The following KCNQ5 variants were observed in gnomAD, a reference collection of about 807,000 sequenced individuals.
KCNQ5 encodes potassium voltage-gated channel subfamily KQT member 5.
Under a neutral mutation model 98.2 loss-of-function variants are expected in KCNQ5, and 30 were observed. The observed-to-expected ratio is 0.31, with a 90% CI of 0.23 to 0.41. KCNQ5 has a LOEUF of 0.41. KCNQ5 is among the 10% of genes least tolerant of loss of function. KCNQ5 has a pLI of 1.00. For missense variants in KCNQ5, 835 were observed against 1,182.5 expected (o/e 0.71, Z 4.31); for synonymous variants, 458 against 449.4 (o/e 1.02, Z -0.24).
chr6:73,160,113 AC>A (rs770236403), intron 10 of KCNQ5, among the ~76,000 whole-genome samples: 15 of 151,570 alleles, frequency 9.9e-5, no homozygotes, highest in Non-Finnish European at 1.3e-4. Flanking sequence ...TCCCGGGTTC[AC>A]GCCATTCTCC....
chr6:72,840,951 C>T (rs1776761314), intron 1 of KCNQ5, among the ~76,000 whole-genome samples: 1 of 152,144 alleles, frequency 6.6e-6, no homozygotes, highest in Admixed American at 6.5e-5. Flanking sequence ...TGGTCCTCAC[C>T]TTCACTGAGA....
chr6:72,727,914 C>A (rs926776001), intron 1 of KCNQ5, among the ~76,000 whole-genome samples: 1 of 152,114 alleles, frequency 6.6e-6, no homozygotes, highest in Non-Finnish European at 1.5e-5. Flanking sequence ...TCCACTGCAC[C>A]TTTATTTCAT....
intron 8 of KCNQ5, 99 bp downstream of exon 8, chr6:73,120,676 T>G (rs1775709858): frequency 3.1e-6 from 2 of 650,882 alleles, no homozygotes; most frequent in East Asian, 2.9e-5. Flanking sequence ...AATGTTTGGC[T>G]TCTCTTATTC....
chr6:72,657,817 G>A (rs116985048), intron 1 of KCNQ5, among the ~76,000 whole-genome samples: 2,389 of 152,284 alleles, frequency 0.016, 32 homozygotes, highest in Middle Eastern at 0.061. Context: ...AGCAACATTA[G>A]TTTATCTTTG....
chr6:72,750,291 T>C (rs1771609799), intron 1 of KCNQ5, among the ~76,000 whole-genome samples: 2 of 152,100 alleles, frequency 1.3e-5, no homozygotes, highest in African/African-American at 4.8e-5. Context: ...TCTGATAGAA[T>C]TAAGTGTTAA....
chr6:72,931,557 A>G (rs1765694335), intron 1 of KCNQ5, among the ~76,000 whole-genome samples: 2 of 152,188 alleles, frequency 1.3e-5, no homozygotes, highest in East Asian at 1.9e-4. Context: ...GACAAGTGGT[A>G]ACTGACTTAG....
intron 1 of KCNQ5, among the ~76,000 whole-genome samples, chr6:72,853,674 G>C (rs1052237050): frequency 6.6e-5 from 10 of 152,186 alleles, no homozygotes; most frequent in Non-Finnish European, 1.5e-5. Context: ...CAGCCATGTT[G>C]AGTGATTGTC....
chr6:72,880,532 C>G (rs1333501408), intron 1 of KCNQ5, among the ~76,000 whole-genome samples: 2 of 152,192 alleles, frequency 1.3e-5, no homozygotes, highest in East Asian at 3.9e-4. Context: ...GACCATAGCA[C>G]TTGCTATCCA....
At chr6:72,856,477 C>CACAA (rs979887577) in intron 1 of KCNQ5, among the ~76,000 whole-genome samples, 2 of 150,932 alleles carry the variant, frequency 1.3e-5, no homozygotes, top group Non-Finnish European at 3.0e-5. Flanking sequence ...TATATACACA[C>CACAA]ACACACACAC....
chr6:73,038,837 G>A (rs1771562838), intron 2 of KCNQ5, among the ~76,000 whole-genome samples: 1 of 151,824 alleles, frequency 6.6e-6, no homozygotes, highest in Non-Finnish European at 1.5e-5. Context: ...GTCTGGTTTT[G>A]GTGTCAGGAT....
chr6:72,818,356 T>C (rs1007614715), intron 1 of KCNQ5, among the ~76,000 whole-genome samples: 1 of 152,116 alleles, frequency 6.6e-6, no homozygotes, highest in African/African-American at 2.4e-5. Flanking sequence ...GTTGTGTGTA[T>C]TGTTAAGAAA....
chr6:73,146,309 A>C (rs1776922281), intron 10 of KCNQ5, among the ~76,000 whole-genome samples: 1 of 152,152 alleles, frequency 6.6e-6, no homozygotes, highest in Non-Finnish European at 1.5e-5. Context: ...AAGATGAAGT[A>C]CTGTTTTAGC....
intron 3 of KCNQ5, among the ~76,000 whole-genome samples, chr6:73,047,243 A>G (rs1772007614): frequency 6.6e-6 from 1 of 152,198 alleles, no homozygotes; most frequent in Admixed American, 6.5e-5. Context: ...GCTTTATAGA[A>G]CATTAATTGC....
At chr6:73,087,748 T>G (rs1219253194) in intron 5 of KCNQ5, among the ~76,000 whole-genome samples, 1 of 152,124 alleles carries the variant, frequency 6.6e-6, no homozygotes, top group Non-Finnish European at 1.5e-5. Context: ...CACCAAGGAA[T>G]ACAAAGAGAA....
intron 1 of KCNQ5, among the ~76,000 whole-genome samples, chr6:72,948,971 C>A (rs535304251): frequency 6.6e-6 from 1 of 152,172 alleles, no homozygotes; most frequent in South Asian, 2.1e-4. Flanking sequence ...TTTTTTCACT[C>A]TTTTTTGGTT....
chr6:72,646,301 TAAAA>T (rs202102812), intron 1 of KCNQ5, among the ~76,000 whole-genome samples: 1 of 151,424 alleles, frequency 6.6e-6, no homozygotes, highest in Non-Finnish European at 1.5e-5. Flanking sequence ...CTTCATTTGA[TAAAA>T]AAAAGTCAAC....
chr6:73,010,641 A>T (rs886499836), intron 2 of KCNQ5, among the ~76,000 whole-genome samples: 9 of 127,324 alleles, frequency 7.1e-5, no homozygotes, highest in African/African-American at 2.4e-4. Context: ...CTGAAGATTT[A>T]AAAAAAAAAA....
At chr6:72,624,597 T>A (rs1167789385) in intron 1 of KCNQ5, among the ~76,000 whole-genome samples, 1 of 152,202 alleles carries the variant, frequency 6.6e-6, no homozygotes, top group African/African-American at 2.4e-5. Context: ...TTTCCAAAGG[T>A]TCAAGGTTGG....
intron 1 of KCNQ5, among the ~76,000 whole-genome samples, chr6:72,767,783 A>T (rs1772653718): frequency 6.6e-6 from 1 of 152,056 alleles, no homozygotes; most frequent in Admixed American, 6.6e-5. Context: ...AAGCACAATG[A>T]GATACCACTT....
Sources: allele counts gnomAD v4.1 joint callset (sites outside exome capture counted in the v4.1 genomes callset), GRCh38; gene constraint gnomAD v4.1.1; transcripts MANE v1.5; gene names NCBI Gene and HGNC (gene_info 2026-07-23, HGNC 2026-07-21).